The following SUGCT variants were observed in gnomAD, a reference collection of about 807,000 sequenced individuals.
The protein encoded by SUGCT is succinyl-CoA:glutarate-CoA transferase.
Under a neutral mutation model 55.0 loss-of-function variants are expected in SUGCT, and 41 were observed. That is an observed-to-expected ratio of 0.74 (90% CI 0.58 to 0.97). The LOEUF (loss-of-function observed/expected upper bound fraction) is 0.97, where lower values mean the gene tolerates loss of function less well. Ranked by LOEUF, SUGCT falls within the 50% of genes least tolerant of loss-of-function variation. The pLI is 0.00. For missense variants in SUGCT, 568 were observed against 547.8 expected (o/e 1.04, Z -0.37); for synonymous variants, 187 against 200.4 (o/e 0.93, Z 0.56).
chr7:40,338,611 G>A (rs1318732567), intron 9 of SUGCT, among the ~76,000 whole-genome samples: 1 of 152,044 alleles, frequency 6.6e-6, no homozygotes, highest in African/African-American at 2.4e-5. Context: ...GGTCATTTAA[G>A]GTCTTCTCTA....
intron 12 of SUGCT, among the ~76,000 whole-genome samples, chr7:40,650,400 G>A (rs1241735595): frequency 6.6e-6 from 1 of 152,126 alleles, no homozygotes; most frequent in Admixed American, 6.5e-5. Context: ...GAAACATGTT[G>A]GTTTCAGCTC....
intron 9 of SUGCT, among the ~76,000 whole-genome samples, chr7:40,345,390 T>C (rs1010021533): frequency 2.6e-5 from 4 of 152,220 alleles, no homozygotes; most frequent in African/African-American, 9.6e-5. Context: ...CAATACATGG[T>C]ATCATTTTGT....
At chr7:40,342,766 C>T (rs1395808844) in intron 9 of SUGCT, among the ~76,000 whole-genome samples, 2 of 152,090 alleles carry the variant, frequency 1.3e-5, no homozygotes, top group South Asian at 2.1e-4. Flanking sequence ...CCTCAGCCTC[C>T]CAAGTAGCTG....
the SUGCT span, among the ~76,000 whole-genome samples, chr7:41,035,397 A>T: frequency 2.0e-5 from 3 of 152,114 alleles, no homozygotes; most frequent in Non-Finnish European, 4.4e-5. Context: ...CTGAAATAAC[A>T]TGCAAAATAT....
At chr7:40,296,805 T>G (rs1273618949) in intron 8 of SUGCT, among the ~76,000 whole-genome samples, 2 of 152,100 alleles carry the variant, frequency 1.3e-5, no homozygotes. Flanking sequence ...AGCTTATTGT[T>G]GAACCCACTT....
intron 7 of SUGCT, among the ~76,000 whole-genome samples, chr7:40,249,341 A>C (rs1006418105): frequency 7.6e-6 from 1 of 131,614 alleles, no homozygotes; most frequent in African/African-American, 2.9e-5. Flanking sequence ...ATATATATAT[A>C]TATATAATTA....
chr7:40,407,618 A>T (rs1019296790), intron 9 of SUGCT, among the ~76,000 whole-genome samples: 4 of 152,094 alleles, frequency 2.6e-5, no homozygotes, highest in Non-Finnish European at 4.4e-5. Context: ...AACAGCATTG[A>T]CAATAACTTT....
At chr7:41,017,285 C>T in the SUGCT span, among the ~76,000 whole-genome samples, 1 of 152,260 alleles carries the variant, frequency 6.6e-6, no homozygotes, top group South Asian at 2.1e-4. Flanking sequence ...TTCACGTCTC[C>T]ATATGAGCAT....
intron 9 of SUGCT, among the ~76,000 whole-genome samples, chr7:40,359,391 G>A (rs138942388): frequency 1.3e-5 from 2 of 152,124 alleles, no homozygotes; most frequent in Non-Finnish European, 2.9e-5. Flanking sequence ...TTTTAGTACC[G>A]ACAGGATTTC....
chr7:41,008,195 G>A, the SUGCT span, among the ~76,000 whole-genome samples: 1 of 152,202 alleles, frequency 6.6e-6, no homozygotes, highest in Non-Finnish European at 1.5e-5. Flanking sequence ...GGAGGGAGGC[G>A]CCCCTGGGCA....
chr7:40,216,816 A>G (rs1308787340), intron 6 of SUGCT, among the ~76,000 whole-genome samples: 1 of 151,728 alleles, frequency 6.6e-6, no homozygotes, highest in African/African-American at 2.4e-5. Context: ...AGAGTGCGCC[A>G]TTGCACTCCA....
intron 12 of SUGCT, among the ~76,000 whole-genome samples, chr7:40,500,435 A>G (rs1358562467): frequency 6.6e-6 from 1 of 152,194 alleles, no homozygotes; most frequent in Admixed American, 6.5e-5. Context: ...CTAAAAGGAT[A>G]CCAAAACAAA....
chr7:40,379,438 C>G (rs1006118429), intron 9 of SUGCT, among the ~76,000 whole-genome samples: 1 of 152,060 alleles, frequency 6.6e-6, no homozygotes, highest in Non-Finnish European at 1.5e-5. Flanking sequence ...TTCCCACATG[C>G]CTTGTATTTT....
intron 12 of SUGCT, among the ~76,000 whole-genome samples, chr7:40,604,196 C>T (rs781550680): frequency 2.6e-5 from 4 of 152,064 alleles, no homozygotes; most frequent in Non-Finnish European, 2.9e-5. Flanking sequence ...AGTGTTCGCC[C>T]GAGGCCCTTG....
intron 13 of SUGCT, among the ~76,000 whole-genome samples, chr7:40,808,751 T>C (rs190207028): frequency 6.6e-6 from 1 of 152,208 alleles, no homozygotes. Flanking sequence ...TTCCCATGAA[T>C]GTAATTGTTG....
intron 13 of SUGCT, among the ~76,000 whole-genome samples, chr7:40,847,356 T>G: frequency 6.6e-6 from 1 of 150,728 alleles, no homozygotes; most frequent in Non-Finnish European, 1.5e-5. Context: ...GGGTCTTAAA[T>G]CAACAATTGA....
chr7:40,416,955 T>C (rs1227140954), intron 9 of SUGCT, among the ~76,000 whole-genome samples: 1 of 151,996 alleles, frequency 6.6e-6, no homozygotes, highest in African/African-American at 2.4e-5. Context: ...GTATATTCAT[T>C]TGGTCTATTT....
At chr7:40,843,160 G>C (rs986480911) in intron 13 of SUGCT, among the ~76,000 whole-genome samples, 1 of 152,170 alleles carries the variant, frequency 6.6e-6, no homozygotes, top group African/African-American at 2.4e-5. Context: ...TGGAAGAAAG[G>C]AGGTAAACTG....
chr7:40,683,908 A>G, intron 12 of SUGCT: 1 of 1,135,364 alleles, frequency 8.8e-7, no homozygotes, highest in African/African-American at 1.5e-5. Context: ...AGGTCTCACC[A>G]GGCTAAAATC....
Sources: allele counts gnomAD v4.1 joint callset (sites outside exome capture counted in the v4.1 genomes callset), GRCh38; gene constraint gnomAD v4.1.1; transcripts MANE v1.5; gene names NCBI Gene and HGNC (gene_info 2026-07-23, HGNC 2026-07-21).